Variants in DEPTOR observed in about 807,000 individuals in gnomAD.
DEPTOR encodes the protein DEP domain-containing mTOR-interacting protein.
DEPTOR carries 41 observed loss-of-function variants against 41.6 expected under a neutral mutation model. That is an observed-to-expected ratio of 0.98 (90% confidence interval 0.77 to 1.28). DEPTOR has a LOEUF of 1.28. Among genes scored for constraint, DEPTOR ranks in the 50% most tolerant of loss-of-function variants. DEPTOR has a pLI of 0.00. For synonymous variants in DEPTOR, 195 were observed against 192.3 expected, an observed-to-expected ratio of 1.01 and a Z score of -0.12; for missense variants, 514 against 527.9, an observed-to-expected ratio of 0.97 and a Z score of 0.26.
At chr8:120,002,120 TA>T (rs1460888995) in intron 5 of DEPTOR, among the ~76,000 whole-genome samples, 23 of 152,066 alleles carry the variant, frequency 1.5e-4, no homozygotes, top group South Asian at 2.1e-4. Context: ...AATTTAAAAA[TA>T]AATAAATAAA....
chr8:119,924,372 C>CT (rs368029420), intron 1 of DEPTOR, among the ~76,000 whole-genome samples: 42,783 of 152,042 alleles, frequency 0.28, 6,435 homozygotes, highest in Middle Eastern at 0.39. Context: ...TTTCAACTGT[C>CT]CCTAATCAGA....
intron 1 of DEPTOR, among the ~76,000 whole-genome samples, chr8:119,907,984 TGGGA>T (rs1208789048): frequency 6.6e-6 from 1 of 152,150 alleles, no homozygotes; most frequent in Admixed American, 6.5e-5. Context: ...TGACTCAGGG[TGGGA>T]CACCTAGCTA....
At chr8:119,961,822 A>T (rs1828496557) in intron 3 of DEPTOR, among the ~76,000 whole-genome samples, 2 of 152,220 alleles carry the variant, frequency 1.3e-5, no homozygotes, top group African/African-American at 4.8e-5. Flanking sequence ...TTTCAAAGGA[A>T]ATGAAAGTTT....
chr8:120,004,589 G>A (rs1812405054), intron 6 of DEPTOR, among the ~76,000 whole-genome samples: 1 of 152,126 alleles, frequency 6.6e-6, no homozygotes, highest in Admixed American at 6.6e-5. Context: ...ACTGAAATTA[G>A]CAACAAAATC....
intron 1 of DEPTOR, among the ~76,000 whole-genome samples, chr8:119,907,778 C>CA (rs1215851485): frequency 9.5e-5 from 7 of 73,696 alleles, no homozygotes; most frequent in African/African-American, 2.9e-4. Flanking sequence ...GACTCTGTCT[C>CA]AAAAAACAAA....
At chr8:119,912,255 A>C (rs143959679) in intron 1 of DEPTOR, among the ~76,000 whole-genome samples, 3 of 152,290 alleles carry the variant, frequency 2.0e-5, no homozygotes, top group African/African-American at 7.2e-5. Context: ...ATAATGTTGG[A>C]TAGATTGAGT....
intron 1 of DEPTOR, among the ~76,000 whole-genome samples, chr8:119,886,362 T>C (rs752597603): frequency 2.0e-5 from 3 of 152,136 alleles, no homozygotes; most frequent in Non-Finnish European, 2.9e-5. Context: ...CTTCGTTGGT[T>C]AGGTCACATG....
chr8:120,002,791 A>AAATATATATATATATATATATAT, intron 5 of DEPTOR, among the ~76,000 whole-genome samples, 186 bp from the exon 6 acceptor site: 18 of 60,666 alleles, frequency 3.0e-4, no homozygotes, highest in Non-Finnish European at 4.3e-4. Flanking sequence ...AAAAAAAAAA[A>AAATATATATATATATATATATAT]ATATATATAT....
chr8:119,995,638 C>T (rs555098850), intron 4 of DEPTOR, among the ~76,000 whole-genome samples: 3 of 151,784 alleles, frequency 2.0e-5, no homozygotes, highest in African/African-American at 7.2e-5. Context: ...CAAAGTTACT[C>T]AGCATAAAAA....
chr8:120,013,555 C>T (rs1388268626), intron 8 of DEPTOR, among the ~76,000 whole-genome samples: 3 of 152,100 alleles, frequency 2.0e-5, no homozygotes, highest in Non-Finnish European at 4.4e-5. Flanking sequence ...CCTGGGGTGC[C>T]CTGTGGGAAG....
chr8:119,912,509 G>A (rs1827758541), intron 1 of DEPTOR, among the ~76,000 whole-genome samples: 1 of 152,208 alleles, frequency 6.6e-6, no homozygotes, highest in Admixed American at 6.5e-5. Context: ...CGCGATAGCT[G>A]CGGATGTTCC....
At chr8:119,916,829 G>A (rs571371987) in intron 1 of DEPTOR, among the ~76,000 whole-genome samples, 1 of 152,336 alleles carries the variant, frequency 6.6e-6, no homozygotes, top group South Asian at 2.1e-4. Context: ...AAAAGGCAAG[G>A]ACTAGAGTCC....
intron 1 of DEPTOR, among the ~76,000 whole-genome samples, chr8:119,887,297 C>T (rs2129697632): frequency 7.0e-6 from 1 of 142,778 alleles, no homozygotes; most frequent in Admixed American, 7.0e-5. Context: ...CTTCAGCCTA[C>T]TAAGTAGCTG....
intron 4 of DEPTOR, among the ~76,000 whole-genome samples, chr8:119,968,582 G>A (rs768923498): frequency 2.0e-5 from 3 of 152,148 alleles, no homozygotes; most frequent in East Asian, 1.9e-4. Context: ...GATTACAGGC[G>A]TAAGCCACCA....
intron 1 of DEPTOR, among the ~76,000 whole-genome samples, chr8:119,894,813 G>T (rs1827495644): frequency 6.6e-6 from 1 of 152,188 alleles, no homozygotes; most frequent in East Asian, 1.9e-4. Context: ...GTTCGGTATA[G>T]TATGTAACAA....
intron 8 of DEPTOR, among the ~76,000 whole-genome samples, chr8:120,048,514 A>T (rs1318956329): frequency 6.6e-6 from 1 of 152,226 alleles, no homozygotes; most frequent in African/African-American, 2.4e-5. Flanking sequence ...AATTTGTGGA[A>T]CCAAGAAAAG....
chr8:120,026,589 C>T (rs1050993036), intron 8 of DEPTOR, among the ~76,000 whole-genome samples: 2 of 151,970 alleles, frequency 1.3e-5, no homozygotes, highest in Non-Finnish European at 2.9e-5. Flanking sequence ...GTGATCCACC[C>T]ACCTCAGCCT....
intron 1 of DEPTOR, among the ~76,000 whole-genome samples, chr8:119,901,097 T>C (rs750311514): frequency 1.3e-5 from 2 of 152,222 alleles, no homozygotes; most frequent in African/African-American, 2.4e-5. Context: ...GGAATCTACA[T>C]TGGGAGTAAG....
chr8:119,929,561 TATG>T (rs3834882), intron 2 of DEPTOR, among the ~76,000 whole-genome samples: 120 of 151,466 alleles, frequency 7.9e-4, no homozygotes, highest in African/African-American at 1.5e-3. Context: ...ACTTCCTAAA[TATG>T]ATGATGATGA....
Sources: gnomAD v4.1 joint callset for allele counts (sites outside exome capture counted in the v4.1 genomes callset) on GRCh38, gnomAD v4.1.1 for gene constraint, MANE v1.5 for transcripts, NCBI Gene and HGNC (gene_info 2026-07-23, HGNC 2026-07-21) for gene names.